CBLN2: variants seen among roughly 807,000 people sequenced by gnomAD.
CBLN2 encodes the protein cerebellin-2.
In CBLN2, 7 loss-of-function variants were observed where a neutral mutation model predicts 15.0. The observed-to-expected ratio is 0.47, with a 90% CI of 0.27 to 0.88. CBLN2 has a LOEUF of 0.88. CBLN2 is among the 40% of genes least tolerant of loss of function. The probability of loss-of-function intolerance (pLI) is 0.14; values close to 1 mark genes in which losing one functional copy is unlikely to be tolerated. For missense variants in CBLN2, 242 were observed against 304.5 expected, an observed-to-expected ratio of 0.79 and a Z score of 1.53; for synonymous variants, 149 against 135.2, an observed-to-expected ratio of 1.10 and a Z score of -0.71.
chr18:72,610,347 G>C (rs1000240959), intron 1 of CBLN2, among the ~76,000 whole-genome samples: 1 of 152,014 alleles, frequency 6.6e-6, no homozygotes, highest in Non-Finnish European at 1.5e-5. Context: ...TCCTTTCTTT[G>C]GGTCTTTGCT....
At chr18:72,538,476 T>G in intron 4 of CBLN2, 103 bp from the exon 5 acceptor site, 1 of 1,447,182 alleles carries the variant, frequency 6.9e-7, no homozygotes, top group Non-Finnish European at 9.6e-7. Flanking sequence ...ATCCTTCCCT[T>G]AGAGTACACA....
chr18:72,538,844 T>C (rs2069088215), intron 3 of CBLN2, 72 bp from the exon 4 acceptor site: 1 of 1,571,912 alleles, frequency 6.4e-7, no homozygotes. Context: ...CATCCTTGGA[T>C]AACCAGCAAC....
intron 1 of CBLN2, among the ~76,000 whole-genome samples, chr18:72,565,951 C>A (rs1568257340): frequency 1.3e-5 from 2 of 152,054 alleles, no homozygotes; most frequent in African/African-American, 2.4e-5. Context: ...ACACAAGCAA[C>A]TCAAATAATT....
At chr18:72,561,530 A>G (rs978662174) in intron 1 of CBLN2, among the ~76,000 whole-genome samples, 2 of 152,096 alleles carry the variant, frequency 1.3e-5, no homozygotes, top group Non-Finnish European at 2.9e-5. Flanking sequence ...GATTTGGCAC[A>G]ATTTCTCTCT....
In CBLN2 at chr18:72,572,219, T is replaced by G. The variant is rs994248987; in HGVS notation, c.16-33447A>C. Among the ~76,000 whole-genome samples the G allele has an allele frequency of 3.3e-5, 5 of 152,154 alleles. No individual in the cohort carries two copies. In the East Asian group the frequency reaches 9.7e-4, roughly 29 times the overall value. On this transcript the variant is annotated intron_variant, in intron 1 of 2. Coordinates refer to the CBLN2 transcript ENST00000581073. ...ATGTGGCTCAACTGAGATTTTCCAT[T>G]TATTTATAAGAACTAAGGATCCATT...
At chr18:72,602,033 C>G (rs1408516480) in intron 1 of CBLN2, among the ~76,000 whole-genome samples, 1 of 152,186 alleles carries the variant, frequency 6.6e-6, no homozygotes, top group Non-Finnish European at 1.5e-5. Flanking sequence ...TGGCCCTGCT[C>G]TAGCCCCTGC....
chr18:72,613,301 G>A (rs1015684204), intron 1 of CBLN2, among the ~76,000 whole-genome samples: 1 of 152,136 alleles, frequency 6.6e-6, no homozygotes, highest in African/African-American at 2.4e-5. Flanking sequence ...CTCTGTCTTT[G>A]TAGGTCTCTC....
intron 1 of CBLN2, among the ~76,000 whole-genome samples, chr18:72,602,662 G>A (rs2069556777): frequency 6.6e-6 from 1 of 152,140 alleles, no homozygotes; most frequent in Non-Finnish European, 1.5e-5. Context: ...GATTTTCCTA[G>A]ATAATCTGGG....
intron 3 of CBLN2, among the ~76,000 whole-genome samples, chr18:72,541,285 C>CT (rs35778072): frequency 0.021 from 3,009 of 144,800 alleles, 59 homozygotes; most frequent in African/African-American, 0.055. Context: ...TTCTTCCTCA[C>CT]TTTTTTTTTT....
At position 72,627,350 on chromosome 18, in the gene CBLN2, C is replaced by T. The variant is rs530763407; in HGVS notation, c.15+10975G>A. On this transcript the variant is annotated intron_variant, in intron 1 of 2. Transcript: ENST00000581073. ...TTTAAAAAGGAAATGTGTCAGAAAACATTTTATATCTATATGAGGGCTTCA... is the reference window on the plus strand; with the variant it reads ...TTTAAAAAGGAAATGTGTCAGAAAATATTTTATATCTATATGAGGGCTTCA... 2.6e-5 allele frequency among the ~76,000 whole-genome samples: 4 copies of T among 152,116 alleles called. No homozygotes were observed. In the East Asian group the frequency reaches 5.8e-4, roughly 22 times the overall value.
intron 1 of CBLN2, among the ~76,000 whole-genome samples, chr18:72,607,359 T>A (rs1012506495): frequency 6.6e-6 from 1 of 152,166 alleles, no homozygotes; most frequent in Non-Finnish European, 1.5e-5. Flanking sequence ...GGAAGGCATA[T>A]CCGCCCCACT....
At chr18:72,591,802 T>G (rs113844027) in intron 1 of CBLN2, among the ~76,000 whole-genome samples, 29 of 152,156 alleles carry the variant, frequency 1.9e-4, no homozygotes, top group Non-Finnish European at 5.9e-5. Context: ...TCCAGTTCCA[T>G]CTATGTTGTT....
intron 1 of CBLN2, among the ~76,000 whole-genome samples, chr18:72,619,668 T>C (rs1347839532): frequency 1.3e-5 from 2 of 152,230 alleles, no homozygotes; most frequent in Non-Finnish European, 2.9e-5. Flanking sequence ...TGCCCTTGAT[T>C]ATTTATGAAA....
chr18:72,563,324 TAA>T (rs2069273665), intron 1 of CBLN2, among the ~76,000 whole-genome samples: 1 of 152,212 alleles, frequency 6.6e-6, no homozygotes, highest in Non-Finnish European at 1.5e-5. Flanking sequence ...ATTATTTATA[TAA>T]GTTTTATTCA....
At chr18:72,598,244 C>G (rs1223236613) in intron 1 of CBLN2, among the ~76,000 whole-genome samples, 3 of 152,170 alleles carry the variant, frequency 2.0e-5, no homozygotes, top group Non-Finnish European at 4.4e-5. Flanking sequence ...GACCCAAGGG[C>G]TCTTTAGTCA....
At chr18:72,619,273 C>T (rs932645767) in intron 1 of CBLN2, 14 of 749,462 alleles carry the variant, frequency 1.9e-5, no homozygotes, top group African/African-American at 1.0e-4. Flanking sequence ...AGAGAAGTGA[C>T]GGGGAAGCTA....
At chr18:72,574,466 G>A (rs1377056565) in intron 1 of CBLN2, among the ~76,000 whole-genome samples, 1 of 152,150 alleles carries the variant, frequency 6.6e-6, no homozygotes, top group African/African-American at 2.4e-5. Context: ...AGGGGGCTGT[G>A]GCCGAGAACA....
At chr18:72,613,709 A>G (rs1359237495) in intron 1 of CBLN2, among the ~76,000 whole-genome samples, 1 of 152,156 alleles carries the variant, frequency 6.6e-6, no homozygotes, top group Non-Finnish European at 1.5e-5. Flanking sequence ...AAAATCACCT[A>G]TTTGAACAGT....
At chr18:72,542,607 A>T (rs1289382427) in intron 2 of CBLN2, among the ~76,000 whole-genome samples, 4 of 151,984 alleles carry the variant, frequency 2.6e-5, no homozygotes, top group African/African-American at 7.2e-5. Context: ...GGGCCCCGAG[A>T]CCCTCAGAAG....
Sources: allele counts gnomAD v4.1 joint callset (sites outside exome capture counted in the v4.1 genomes callset), GRCh38; gene constraint gnomAD v4.1.1; transcripts MANE v1.5; gene names NCBI Gene and HGNC (gene_info 2026-07-23, HGNC 2026-07-21).